The following WHRN variants were observed in gnomAD, a reference collection of about 807,000 sequenced individuals.
The protein encoded by WHRN is CASK-interacting protein CIP98.
Under a neutral mutation model 68.3 loss-of-function variants are expected in WHRN, and 41 were observed. That is an observed-to-expected ratio of 0.60 (90% CI 0.47 to 0.78). The LOEUF is 0.78. Ranked by LOEUF, WHRN falls within the 30% of genes least tolerant of loss-of-function variation. The pLI, the probability that WHRN is intolerant of heterozygous loss-of-function variation, is 0.00. For synonymous variants in WHRN, 560 were observed against 561.3 expected (o/e 1.00, Z 0.03); for missense variants, 1,243 against 1,244.7 (o/e 1.00, Z 0.02).
intron 1 of WHRN, among the ~76,000 whole-genome samples, chr9:114,486,584 A>G (rs1423938934): frequency 1.3e-5 from 2 of 152,070 alleles, no homozygotes. Context: ...TCAAATTAGG[A>G]CACAGAGCAG....
In WHRN at chr9:114,418,964, C is replaced by T. The variant is rs1300264146; in HGVS notation, c.1626+4350G>A. On this transcript the variant is annotated intron_variant, in intron 7 of 11. Transcript: ENST00000362057. ...GGTGTTCACCACTGTATCCCCAGAA[C>T]CTCAAAATGTACATAGCACACAGTA... Among the ~76,000 whole-genome samples the T allele has an allele frequency of 7.2e-5, 11 of 152,186 alleles. No homozygotes were observed. The East Asian group carries it at 1.9e-3, about 27-fold the overall frequency.
At chr9:114,406,949 G>A in intron 8 of WHRN, 57 bp from the exon 9 acceptor site, 2 of 1,543,888 alleles carry the variant, frequency 1.3e-6, no homozygotes, top group East Asian at 2.4e-5. Context: ...CCTGGAAGAG[G>A]GGAGGCCGAG....
Position 114,452,172 on chromosome 9 carries a change from C to T in WHRN, c.963+14095G>A, listed in dbSNP as rs534247119. 9.3e-4 allele frequency among the ~76,000 whole-genome samples: 141 copies of T among 152,354 alleles called. 1 individual carries two copies. Among genetic ancestry groups the T allele is most frequent in the Middle Eastern group, 3.4e-3 (1 of 294 alleles). Reference sequence around the variant, plus strand: ...GTATCATTACTGTTTCCTGTTATCACCACTACCCTCATGCTGCTGTATCTT... The same window carrying T: ...GTATCATTACTGTTTCCTGTTATCATCACTACCCTCATGCTGCTGTATCTT... On this transcript the variant is annotated intron_variant, in intron 3 of 11. Transcript: ENST00000362057.
intron 3 of WHRN, among the ~76,000 whole-genome samples, chr9:114,435,950 G>A (rs973194297): frequency 6.6e-6 from 1 of 152,146 alleles, no homozygotes; most frequent in African/African-American, 2.4e-5. Context: ...TCTTGGAAAG[G>A]GTTCAGCATT....
intron 1 of WHRN, among the ~76,000 whole-genome samples, chr9:114,492,183 G>GA (rs1251881435): frequency 6.6e-6 from 1 of 152,052 alleles, no homozygotes; most frequent in East Asian, 1.9e-4. Context: ...TGGTGGGAGG[G>GA]AATATACAAA....
chr9:114,503,700 C>T (rs536012301), intron 1 of WHRN: 1 of 163,614 alleles, frequency 6.1e-6, no homozygotes, highest in East Asian at 1.8e-4. Flanking sequence ...GATACACAAC[C>T]TGGTCCAAAA....
chr9:114,408,130 A>T (rs961803404), intron 7 of WHRN, 112 bp from the exon 8 acceptor site: 1 of 847,632 alleles, frequency 1.2e-6, no homozygotes, highest in Non-Finnish European at 2.0e-6. Flanking sequence ...CATGTGGTTC[A>T]TGTGAGCCCT....
intron 4 of WHRN, 162 bp from the exon 5 acceptor site, chr9:114,425,186 A>G (rs780159136): frequency 1.3e-6 from 1 of 779,400 alleles, no homozygotes; most frequent in South Asian, 1.4e-5. Flanking sequence ...CTCAGGGGTA[A>G]AGGAAACTCC....
chr9:114,439,573 C>A (rs1838185669), intron 3 of WHRN, among the ~76,000 whole-genome samples: 1 of 152,150 alleles, frequency 6.6e-6, no homozygotes, highest in Non-Finnish European at 1.5e-5. Flanking sequence ...TATGAGTGAA[C>A]TTACGTTTTA....
chr9:114,493,037 G>C (rs554346948), intron 1 of WHRN, among the ~76,000 whole-genome samples: 25 of 151,934 alleles, frequency 1.6e-4, no homozygotes, highest in Non-Finnish European at 2.9e-4. Context: ...AAACAATTAA[G>C]TCCATATATG....
intron 9 of WHRN, among the ~76,000 whole-genome samples, chr9:114,405,785 C>T (rs1294805074): frequency 6.6e-6 from 1 of 152,220 alleles, no homozygotes; most frequent in Non-Finnish European, 1.5e-5. Flanking sequence ...GCTCCCAACT[C>T]ACTCACAGGC....
intron 3 of WHRN, among the ~76,000 whole-genome samples, chr9:114,462,534 G>T (rs1840330655): frequency 6.6e-6 from 1 of 152,196 alleles, no homozygotes. Context: ...CCCAGGCTCT[G>T]TCAGGCCTCG....
chr9:114,493,730 A>G (rs1216546929), intron 1 of WHRN, among the ~76,000 whole-genome samples: 2 of 152,268 alleles, frequency 1.3e-5, no homozygotes, highest in African/African-American at 4.8e-5. Flanking sequence ...GAAAAAAACA[A>G]AAAGGAAAAA....
intron 3 of WHRN, among the ~76,000 whole-genome samples, chr9:114,444,990 G>A (rs1250456817): frequency 6.6e-6 from 1 of 151,726 alleles, no homozygotes; most frequent in African/African-American, 2.4e-5. Flanking sequence ...GGTTTTCTCT[G>A]TTTTCTACAG....
At chr9:114,483,989 G>T (rs4327928) in intron 1 of WHRN, among the ~76,000 whole-genome samples, 77,371 of 151,974 alleles carry the variant, frequency 0.51, 20,006 homozygotes, top group African/African-American at 0.59. Flanking sequence ...ACTGTCCTCA[G>T]TTTCTCCCAT....
chr9:114,406,965 G>C (rs1835085060), intron 8 of WHRN, 73 bp from the exon 9 acceptor site: 1 of 1,520,328 alleles, frequency 6.6e-7, no homozygotes, highest in Non-Finnish European at 8.9e-7. Context: ...CCGAGCAGCT[G>C]AGTGGTGCCA....
chr9:114,445,360 T>C (rs1005458992), intron 3 of WHRN, among the ~76,000 whole-genome samples: 3 of 152,188 alleles, frequency 2.0e-5, no homozygotes. Flanking sequence ...TATCTTAATA[T>C]TGCCTATCTA....
intron 1 of WHRN, among the ~76,000 whole-genome samples, chr9:114,494,050 T>C (rs912159660): frequency 2.6e-5 from 4 of 152,194 alleles, no homozygotes; most frequent in African/African-American, 9.6e-5. Flanking sequence ...TGCCCCTGAC[T>C]GTGTGCCCGT....
chr9:114,443,386 C>T (rs542199380), intron 3 of WHRN, among the ~76,000 whole-genome samples: 1 of 152,232 alleles, frequency 6.6e-6, no homozygotes, highest in South Asian at 2.1e-4. Flanking sequence ...GGGGACAATC[C>T]AATTCCTTGC....
Sources: allele counts gnomAD v4.1 joint callset (sites outside exome capture counted in the v4.1 genomes callset), GRCh38; gene constraint gnomAD v4.1.1; transcripts MANE v1.5; gene names NCBI Gene and HGNC (gene_info 2026-07-23, HGNC 2026-07-21).